CBARP: variants seen among roughly 807,000 people sequenced by gnomAD.
The protein encoded by CBARP is CACN subunit beta associated regulatory protein.
Under a neutral mutation model 36.3 loss-of-function variants are expected in CBARP, and 24 were observed. The ratio of observed to expected loss-of-function variants is 0.66; its 90% CI spans 0.48 to 0.93. The LOEUF (loss-of-function observed/expected upper bound fraction) is 0.93. CBARP is among the 40% of genes least tolerant of loss of function. The pLI is 0.00. For synonymous variants in CBARP, 586 were observed against 453.2 expected, an observed-to-expected ratio of 1.29 and a Z score of -3.72; for missense variants, 1,146 against 980.4, an observed-to-expected ratio of 1.17 and a Z score of -2.26.
intron 8 of CBARP, 65 bp from the exon 9 acceptor site, chr19:1,231,340 G>A (rs561580336): frequency 7.2e-5 from 111 of 1,532,394 alleles, no homozygotes; most frequent in Admixed American, 2.2e-4. Flanking sequence ...CACACACACA[G>A]AATGCCTATG....
rs1183909617 is a variant in CBARP at position 1,228,594 on chromosome 19, A to C, written c.*585T>G. On this transcript the variant is annotated 3_prime_UTR_variant, in exon 10 of 10. Coordinates refer to ENST00000650044, the MANE Select transcript of CBARP (RefSeq NM_001393918.1). ...CGGTGGCGGCGCGGTTATTGCTCGG[A>C]GGCGGCGCGGGCTGCCGCCAGCACA... is the stretch of plus-strand genomic sequence containing the variant. The C allele has an allele frequency of 6.2e-6, 1 of 162,076 alleles. No individual in the cohort carries two copies. Among genetic ancestry groups the C allele is most frequent in the African/African-American group, 2.5e-5 (1 of 40,338 alleles). 10.0% of individuals were successfully genotyped at this position (162,076 alleles called of 1,614,324 possible).
At chr19:1,231,415 C>CCA (rs1237728366) in intron 8 of CBARP, 140 bp from the exon 9 acceptor site, 14 of 1,274,296 alleles carry the variant, frequency 1.1e-5, no homozygotes, top group East Asian at 8.4e-5. Context: ...TGGACCCCCA[C>CCA]CACACACACA....
chr19:1,236,244 G>C, intron 1 of CBARP, 123 bp from the exon 2 acceptor site: 1 of 1,289,222 alleles, frequency 7.8e-7, no homozygotes, highest in Non-Finnish European at 9.9e-7. Context: ...CTCATGGAGA[G>C]GTAGCAGAGC....
intron 7 of CBARP, 118 bp from the exon 8 acceptor site, chr19:1,233,754 A>AG: frequency 9.9e-7 from 1 of 1,008,324 alleles, no homozygotes; most frequent in Non-Finnish European, 1.4e-6. Flanking sequence ...TGGGACAGAG[A>AG]GGGGTACCTG....
rs201506885 is a variant in CBARP at position 1,235,933 on chromosome 19, G to A, written c.106-15C>T. On this transcript the variant is annotated splice_polypyrimidine_tract_variant and intron_variant, in intron 2 of 9. Transcript: ENST00000650044. ...TCTGGCTCTGCCTGCGGGTGTGCAG[G>A]GGGGGTCAGGTGCTGCTGGCCTGGA... 11 of 1,605,252 alleles carry A rather than the reference G, an allele frequency of 6.9e-6. No individual in the cohort carries two copies. Among genetic ancestry groups the A allele is most frequent in the East Asian group, 4.5e-5 (2 of 44,746 alleles).
intron 6 of CBARP, 112 bp downstream of exon 6, chr19:1,234,459 T>G: frequency 8.0e-7 from 1 of 1,255,270 alleles, no homozygotes; most frequent in Non-Finnish European, 1.1e-6. Context: ...ACCCCGCCCA[T>G]CCCGAGATGA....
chr19:1,234,846 AAG>A (rs913244343), intron 5 of CBARP, 104 bp from the exon 6 acceptor site: 2 of 1,516,464 alleles, frequency 1.3e-6, no homozygotes, highest in African/African-American at 2.7e-5. Flanking sequence ...GGGCAGGCGA[AAG>A]GGGGGCAACT....
chr19:1,233,971 A>G (rs1193148196), intron 7 of CBARP, among the ~76,000 whole-genome samples: 1 of 152,142 alleles, frequency 6.6e-6, no homozygotes, highest in East Asian at 1.9e-4. Flanking sequence ...GGAATGTCAA[A>G]TGAGGTGGGA....
At position 1,232,543 on chromosome 19, in the gene CBARP, C is replaced by T. The variant is rs369508218; in HGVS notation, c.979+883G>A. Among the ~76,000 whole-genome samples the T allele has an allele frequency of 2.1e-3, 316 of 152,308 alleles. 2 individuals carry two copies. Among genetic ancestry groups the T allele is most frequent in the African/African-American group, 7.4e-3 (308 of 41,560 alleles). ...GCTGGCTGAGCAGGGCTGGTGCCTG[C>T]TGCCAGTGCTACAGATGGGACACCT... On this transcript the variant is annotated intron_variant, in intron 8 of 9. Transcript: ENST00000650044.
At chr19:1,232,313 G>T (rs989993310) in intron 8 of CBARP, among the ~76,000 whole-genome samples, 3 of 152,102 alleles carry the variant, frequency 2.0e-5, no homozygotes, top group African/African-American at 4.8e-5. Flanking sequence ...TTGGGGGTGG[G>T]GGCTGGGAGA....
rs775044212 is a variant in CBARP at position 1,234,202 on chromosome 19, C to T, written c.757G>A (p.Glu253Lys). 1.8e-5 allele frequency: 28 copies of T among 1,523,536 alleles called. No individual in the cohort carries two copies. The highest frequency in any genetic ancestry group is 2.5e-5 in the Non-Finnish European group (28 of 1,140,012). The allele number at this position is 1,523,536 out of a possible 1,614,324, so 94.4% of individuals were successfully genotyped here. ...ISPSASSDSG[E>K]GTSLDAGTRS... ...GCAGGGGCCCTCACCGAGGTGCCTT[C>T]CCCAGAGTCGCTAGATGCCGAGGGG... The change falls in exon 7 of 10, where the codon GAA becomes AAA. Residue 253 changes from glutamate to lysine, a missense_variant. Physicochemically the swap from Glu to Lys is moderately conservative, Grantham distance 56. Coordinates refer to ENST00000650044, the MANE Select transcript of CBARP (RefSeq NM_001393918.1).
Position 1,230,563 on chromosome 19 carries a change from G to C in CBARP, c.1155-421C>G, listed in dbSNP as rs141210292. 2.5e-4 allele frequency: 279 copies of C among 1,105,670 alleles called. 1 individual carries two copies. In the East Asian group the frequency reaches 7.2e-3, roughly 29 times the overall value. The allele number at this position is 1,105,670 out of a possible 1,614,324, so 68.5% of individuals were successfully genotyped here. On this transcript the variant is annotated intron_variant, in intron 9 of 9. Coordinates refer to ENST00000650044, the MANE Select transcript of CBARP (RefSeq NM_001393918.1). ...CACCCATGCTGGATAACCAGCAGGA[G>C]GACAGTGCACAGACGTGAGGGTCAC...
intron 9 of CBARP, 191 bp downstream of exon 9, chr19:1,230,910 G>A (rs375974361): frequency 5.1e-6 from 8 of 1,570,996 alleles, no homozygotes; most frequent in South Asian, 1.2e-5. Context: ...GTCTCTCCCT[G>A]CTTCCCTCCT....
Position 1,235,936 on chromosome 19 carries a change from G to C in CBARP, c.106-18C>G, listed in dbSNP as rs112268194. ...GGCTCTGCCTGCGGGTGTGCAGGGG[G>C]GGTCAGGTGCTGCTGGCCTGGACGA... On this transcript the variant is annotated intron_variant, in intron 2 of 9. Transcript: ENST00000650044. 12,400 of 1,603,458 alleles carry C rather than the reference G, an allele frequency of 7.7e-3. 90 individuals are homozygous for C. The highest frequency in any genetic ancestry group is 0.023 in the South Asian group (2,068 of 90,290).
At chr19:1,234,471 G>T in intron 6 of CBARP, 100 bp downstream of exon 6, 1 of 1,444,118 alleles carries the variant, frequency 6.9e-7, no homozygotes, top group Non-Finnish European at 9.1e-7. Context: ...CCGAGATGAG[G>T]GCCACCCAGA....
At position 1,228,555 on chromosome 19, in the gene CBARP, G is replaced by GC. The variant is rs1381961620; in HGVS notation, c.*623dup. 2 of 175,012 alleles carry GC rather than the reference G, an allele frequency of 1.1e-5. No individual in the cohort carries two copies. Among genetic ancestry groups the GC allele is most frequent in the Non-Finnish European group, 2.5e-5 (2 of 81,368 alleles). The allele number at this position is 175,012 out of a possible 1,614,324, so 10.8% of individuals were successfully genotyped here. ...GAGGGCCGGGGCCGGCTCCCTCAGG[G>GC]CCGGCGGCAGCAGCGGTGGCGGCGC... On this transcript the variant is annotated 3_prime_UTR_variant, in exon 10 of 10. Coordinates refer to ENST00000650044, the MANE Select transcript of CBARP (RefSeq NM_001393918.1).
chr19:1,233,360 G>C, intron 8 of CBARP, 66 bp downstream of exon 8: 1 of 1,438,540 alleles, frequency 7.0e-7, no homozygotes, highest in Non-Finnish European at 9.4e-7. Flanking sequence ...TGGATGTCCA[G>C]GGCAGCCCCT....
At chr19:1,232,109 C>T (rs2145450129) in intron 8 of CBARP, among the ~76,000 whole-genome samples, 1 of 152,228 alleles carries the variant, frequency 6.6e-6, no homozygotes. Context: ...GCCTCGGCCC[C>T]CTTCTCCCAA....
intron 4 of CBARP, 157 bp downstream of exon 4, chr19:1,235,344 T>C: frequency 9.3e-7 from 1 of 1,075,602 alleles, no homozygotes; most frequent in Non-Finnish European, 1.3e-6. Context: ...CACCTACGCC[T>C]GGGCGTTAAG....
Sources: allele counts gnomAD v4.1 joint callset (sites outside exome capture counted in the v4.1 genomes callset), GRCh38; gene constraint gnomAD v4.1.1; transcripts MANE v1.5; gene names NCBI Gene and HGNC (gene_info 2026-07-23, HGNC 2026-07-21).